Variants in ABHD2 observed in about 807,000 individuals in gnomAD.
ABHD2 encodes the protein monoacylglycerol lipase ABHD2.
In ABHD2, 20 loss-of-function variants were observed where a neutral mutation model predicts 48.1. That is an observed-to-expected ratio of 0.42 (90% CI 0.29 to 0.60). The LOEUF is 0.60. ABHD2 is among the 20% of genes least tolerant of loss of function. The pLI, the probability that ABHD2 is intolerant of heterozygous loss-of-function variation, is 0.24. For synonymous variants in ABHD2, 209 were observed against 214.2 expected, an observed-to-expected ratio of 0.98 and a Z score of 0.21; for missense variants, 405 against 550.9, an observed-to-expected ratio of 0.74 and a Z score of 2.65.
chr15:89,186,610 G>T lies in ABHD2; in HGVS notation c.815+1094G>T, dbSNP rs2051214451. ...AAGCCAACTCATCCATGCCCAAGTT[G>T]CTTTTCTTTTGCTTCCCCTCTGTAA... On this transcript the variant is annotated intron_variant, in intron 7 of 10. Transcript: ENST00000352732. The surrounding 1 kb of genome is among the most constrained non-coding windows in gnomAD (Gnocchi z 4.3). Among the ~76,000 whole-genome samples, 1 of 152,074 alleles carries T rather than the reference G, an allele frequency of 6.6e-6. No homozygotes were observed. The highest frequency in any genetic ancestry group is 1.5e-5 in the Non-Finnish European group (1 of 68,014).
the ABHD2 span, among the ~76,000 whole-genome samples, chr15:89,062,732 G>A: frequency 6.6e-6 from 1 of 152,040 alleles, no homozygotes; most frequent in Non-Finnish European, 1.5e-5. Flanking sequence ...CAGGGGTTGG[G>A]GAGTGGTTCT....
At chr15:89,057,367 T>G in the ABHD2 span, among the ~76,000 whole-genome samples, 3 of 152,106 alleles carry the variant, frequency 2.0e-5, no homozygotes. Flanking sequence ...TCCACTTCCC[T>G]TTGGGGTTTG....
rs899453110 is a variant in ABHD2, at chr15:89,179,978, T to A, written c.722+3983T>A. ...CTCTCTTGCTTTTGATGGGCAAACT[T>A]CAGGCTAGAGATGAGTTTATGGCAA... On this transcript the variant is annotated intron_variant, in intron 6 of 10. Coordinates refer to ENST00000352732, the MANE Select transcript of ABHD2 (RefSeq NM_152924.5). This position sits in a 1 kb window ranked among gnomAD's most constrained non-coding sequence, Gnocchi z 4.3. 6.6e-6 allele frequency among the ~76,000 whole-genome samples: 1 copy of A among 152,252 alleles called. No homozygotes were observed. Among genetic ancestry groups the A allele is most frequent in the Non-Finnish European group, 1.5e-5 (1 of 68,034 alleles).
Position 89,164,777 on chromosome 15 carries a change from T to TAAA in ABHD2, c.538+9254_538+9256dup, listed in dbSNP as rs895682135. On this transcript the variant is annotated intron_variant, in intron 5 of 10. Transcript: ENST00000352732. This position sits in a 1 kb window ranked among gnomAD's most constrained non-coding sequence, Gnocchi z 5.0. The stretch of plus-strand genomic sequence containing the variant: ...AGACGACAGAGACTGACCCTGTCTT[T>TAAA]AAAAAAAAAAAAATGGCAATAATAT... 6.2e-4 allele frequency among the ~76,000 whole-genome samples: 89 copies of TAAA among 144,288 alleles called. No homozygotes were observed. Among genetic ancestry groups the TAAA allele is most frequent in the African/African-American group, 2.1e-3 (82 of 39,460 alleles). 94.7% of individuals were successfully genotyped at this position (144,288 alleles called of 152,430 possible).
chr15:89,123,518 T>G (rs994328876), intron 3 of ABHD2, among the ~76,000 whole-genome samples: 2 of 152,196 alleles, frequency 1.3e-5, no homozygotes, highest in East Asian at 1.9e-4. Context: ...CTAGAGGCAC[T>G]TTTTAAAAAT....
rs1375193615 is a variant in ABHD2, at chr15:89,198,698, A to C, written c.*3275A>C. 6.6e-6 allele frequency: 1 copy of C among 152,156 alleles called. No individual in the cohort carries two copies. Among genetic ancestry groups the C allele is most frequent in the Non-Finnish European group, 1.5e-5 (1 of 68,050 alleles). The allele number at this position is 152,156 out of a possible 1,614,324, so 9.4% of individuals were successfully genotyped here. ...CTCCTCTTAGACCATCTCTAAGACC[A>C]CTTCATCTATTTACACATCATTTGC... On this transcript the variant is annotated 3_prime_UTR_variant, in exon 11 of 11. Coordinates refer to ENST00000352732, the MANE Select transcript of ABHD2 (RefSeq NM_152924.5). This position sits in a 1 kb window ranked among gnomAD's most constrained non-coding sequence, Gnocchi z 5.1.
rs1783686656 is a variant in ABHD2 at position 89,114,325 on chromosome 15, A to G, written c.-7+501A>G. On this transcript the variant is annotated intron_variant, in intron 2 of 10. Transcript: ENST00000352732. The surrounding 1 kb of genome is among the most constrained non-coding windows in gnomAD (Gnocchi z 4.2). The stretch of plus-strand genomic sequence containing the variant: ...ACTGCTCATGTGCACAAACTTTCAC[A>G]TGATTTCAGGGGGTTCTTAGACCGC... Among the ~76,000 whole-genome samples the G allele has an allele frequency of 6.6e-6, 1 of 152,094 alleles. No homozygotes were observed. The highest frequency in any genetic ancestry group is 2.4e-5 in the African/African-American group (1 of 41,396).
chr15:89,175,839 T>G lies in ABHD2; in HGVS notation c.566T>G (p.Val189Gly). Reference sequence around the variant, plus strand: ...TGCACGTGGGAATTTGGAGCCATGGTGAACTACATCAAGAAGACATATCCC... The same window carrying G: ...TGCACGTGGGAATTTGGAGCCATGGGGAACTACATCAAGAAGACATATCCC... ...YGCTWEFGAM[V>G]NYIKKTYPLT... is the part of the protein sequence containing the mutation. Residue 189 changes from valine to glycine, a missense_variant, in exon 6 of 11, where the codon GTG becomes GGG. Transcript: ENST00000352732. This position sits in a 1 kb window ranked among gnomAD's most constrained non-coding sequence, Gnocchi z 5.7. 1 of 1,614,060 alleles carries G rather than the reference T, an allele frequency of 6.2e-7. No homozygotes were observed. Among genetic ancestry groups the G allele is most frequent in the Non-Finnish European group, 8.5e-7 (1 of 1,179,984 alleles).
the ABHD2 span, among the ~76,000 whole-genome samples, chr15:89,055,382 A>G: frequency 7.0e-6 from 1 of 142,890 alleles, no homozygotes; most frequent in South Asian, 2.2e-4. Flanking sequence ...GCTGGAGTGC[A>G]GTGGCACGAT....
At chr15:89,108,425 A>G (rs1309724866) in intron 1 of ABHD2, among the ~76,000 whole-genome samples, 1 of 152,198 alleles carries the variant, frequency 6.6e-6, no homozygotes, top group Admixed American at 6.5e-5. Context: ...GACACCAGTC[A>G]TGGGGTTAGG....
chr15:89,059,921 T>TG, the ABHD2 span, among the ~76,000 whole-genome samples: 4 of 152,158 alleles, frequency 2.6e-5, no homozygotes, highest in African/African-American at 9.6e-5. Flanking sequence ...TCCATGAACT[T>TG]GGGGGCCCCT....
chr15:89,054,669 C>G, the ABHD2 span, among the ~76,000 whole-genome samples: 4 of 150,824 alleles, frequency 2.7e-5, no homozygotes, highest in Admixed American at 1.3e-4. Flanking sequence ...AACTGAGCAA[C>G]ACTCCATTTC....
At chr15:89,048,873 C>A in the ABHD2 span, among the ~76,000 whole-genome samples, 1 of 148,116 alleles carries the variant, frequency 6.8e-6, no homozygotes, top group Non-Finnish European at 1.5e-5. Flanking sequence ...GTAATTTGAT[C>A]GTCTGAAGCC....
intron 1 of ABHD2, among the ~76,000 whole-genome samples, chr15:89,099,326 A>C (rs1209979592): frequency 1.3e-5 from 2 of 152,200 alleles, no homozygotes; most frequent in Non-Finnish European, 2.9e-5. Flanking sequence ...GGCCAGGCTC[A>C]GTGGCTCATA....
At chr15:89,046,948 G>A in the ABHD2 span, among the ~76,000 whole-genome samples, 3 of 151,908 alleles carry the variant, frequency 2.0e-5, no homozygotes, top group Non-Finnish European at 2.9e-5. Context: ...GCTTTTGAAT[G>A]TGTTTGCTCT....
chr15:89,064,245 A>G, the ABHD2 span, among the ~76,000 whole-genome samples: 4 of 117,362 alleles, frequency 3.4e-5, no homozygotes, highest in African/African-American at 1.4e-4. Flanking sequence ...TTTTACACGG[A>G]GTCTCATTCT....
At chr15:89,081,723 C>T in the ABHD2 span, among the ~76,000 whole-genome samples, 9 of 152,020 alleles carry the variant, frequency 5.9e-5, no homozygotes, top group African/African-American at 1.9e-4. Flanking sequence ...TGGTGGCGCA[C>T]GCGTGTAATC....
In ABHD2 at chr15:89,201,047, A is replaced by G. The variant is rs1245635919; in HGVS notation, c.*5624A>G. ...CAGTGAGCCGAGATCACGCCTCTGC[A>G]CTCCAGCCTGGGCAACAAGAGTGAG... is the stretch of plus-strand genomic sequence containing the variant. On this transcript the variant is annotated 3_prime_UTR_variant, in exon 11 of 11. Transcript: ENST00000352732. 3 of 716,910 alleles carry G rather than the reference A, an allele frequency of 4.2e-6. No individual in the cohort carries two copies. The highest frequency in any genetic ancestry group is 7.5e-6 in the Non-Finnish European group (3 of 401,736). 44.4% of individuals were successfully genotyped at this position (716,910 alleles called of 1,614,324 possible). A position where few individuals can be genotyped will look rare whatever the true frequency, so the allele number is the denominator to read the frequency against.
chr15:89,081,712 G>A, the ABHD2 span, among the ~76,000 whole-genome samples: 4 of 152,162 alleles, frequency 2.6e-5, no homozygotes, highest in South Asian at 4.1e-4. Context: ...TTAGACAGAC[G>A]TGGTGGCGCA....
Sources: gnomAD v4.1 joint callset for allele counts (sites outside exome capture counted in the v4.1 genomes callset) on GRCh38, gnomAD v4.1.1 for gene constraint, Gnocchi (gnomAD v3.1) non-coding constraint, MANE v1.5 for transcripts, NCBI Gene and HGNC (gene_info 2026-07-23, HGNC 2026-07-21) for gene names.